Variants in DPYD observed in about 807,000 individuals in gnomAD.
The protein encoded by DPYD is dihydropyrimidine dehydrogenase [NADP(+)].
DPYD carries 109 observed loss-of-function variants against 116.2 expected under a neutral mutation model. That is an observed-to-expected ratio of 0.94 (90% CI 0.80 to 1.10). The LOEUF is 1.10. Among genes scored for constraint, DPYD ranks in the 50% least tolerant of loss-of-function variants. The probability of loss-of-function intolerance (pLI) is 0.00; values close to 1 mark genes in which losing one functional copy is unlikely to be tolerated. For missense variants in DPYD, 1,302 were observed against 1,254.5 expected (o/e 1.04, Z -0.57); for synonymous variants, 440 against 432.0 (o/e 1.02, Z -0.23).
At chr1:97,732,137 C>A (rs918359598) in intron 4 of DPYD, among the ~76,000 whole-genome samples, 1 of 152,056 alleles carries the variant, frequency 6.6e-6, no homozygotes, top group African/African-American at 2.4e-5. Context: ...TGAACTTCCT[C>A]TATTAAAGCA....
At chr1:97,411,796 A>G (rs373405172) in intron 14 of DPYD, among the ~76,000 whole-genome samples, 2 of 152,296 alleles carry the variant, frequency 1.3e-5, no homozygotes, top group African/African-American at 4.8e-5. Context: ...ACCTTTTTCA[A>G]AGTGATTGGA....
intron 18 of DPYD, among the ~76,000 whole-genome samples, chr1:97,264,136 A>C (rs997213395): frequency 7.0e-6 from 1 of 142,528 alleles, no homozygotes; most frequent in Non-Finnish European, 1.5e-5. Context: ...ATGACTGCCA[A>C]TTCTGAATCT....
chr1:97,498,961 C>T (rs1679425376), intron 13 of DPYD, among the ~76,000 whole-genome samples: 1 of 151,466 alleles, frequency 6.6e-6, no homozygotes, highest in African/African-American at 2.4e-5. Context: ...TTCTCTAAGA[C>T]CTTAATTTCA....
chr1:97,279,753 G>A (rs1399243560), intron 18 of DPYD, among the ~76,000 whole-genome samples: 1 of 152,020 alleles, frequency 6.6e-6, no homozygotes, highest in Non-Finnish European at 1.5e-5. Flanking sequence ...TAGGTGATCC[G>A]CCCACCTCAG....
Position 97,789,066 on chromosome 1 carries a change from C to A in DPYD, c.233+39048G>T, listed in dbSNP as rs181767292. On this transcript the variant is annotated intron_variant, in intron 3 of 22. Coordinates refer to ENST00000370192, the MANE Select transcript of DPYD (RefSeq NM_000110.4). ...CGATCTACCGCCCACCTAGGCTTCC[C>A]AAAGTGCTGGGAACAAGCTGTTTAA... Among the ~76,000 whole-genome samples, 700 of 152,242 alleles carry A rather than the reference C, an allele frequency of 4.6e-3. 7 individuals carry two copies. Among genetic ancestry groups the A allele is most frequent in the African/African-American group, 0.015 (617 of 41,550 alleles).
chr1:97,451,703 T>C (rs1676423058), intron 13 of DPYD, among the ~76,000 whole-genome samples: 1 of 152,152 alleles, frequency 6.6e-6, no homozygotes, highest in South Asian at 2.1e-4. Context: ...ATGTTCTACG[T>C]CCCTACAGGT....
intron 20 of DPYD, among the ~76,000 whole-genome samples, chr1:97,119,460 T>G (rs1413956571): frequency 2.0e-5 from 3 of 151,990 alleles, no homozygotes; most frequent in Non-Finnish European, 4.4e-5. Flanking sequence ...GCAGTTAGGA[T>G]TGTGTGTCAT....
At chr1:97,542,019 T>A (rs2811170) in intron 12 of DPYD, among the ~76,000 whole-genome samples, 16,608 of 152,116 alleles carry the variant, frequency 0.11, 997 homozygotes, top group Non-Finnish European at 0.13. Flanking sequence ...AAGAAGGGAA[T>A]TTCTGACAAA....
chr1:97,498,244 G>A (rs934911402), intron 13 of DPYD, among the ~76,000 whole-genome samples: 2 of 151,668 alleles, frequency 1.3e-5, no homozygotes, highest in Admixed American at 6.6e-5. Context: ...AGATAGTGAT[G>A]ATGGATACAC....
chr1:97,671,300 C>T (rs1659846823), intron 8 of DPYD, among the ~76,000 whole-genome samples: 2 of 152,002 alleles, frequency 1.3e-5, no homozygotes, highest in Admixed American at 1.3e-4. Flanking sequence ...TTCCTTATAT[C>T]ATCATCTTCA....
intron 10 of DPYD, chr1:97,586,420 C>A (rs1654101184): frequency 7.4e-6 from 1 of 135,434 alleles, no homozygotes; most frequent in South Asian, 2.3e-4. Flanking sequence ...AAAAAACGTT[C>A]ACTTTTAATG....
At chr1:97,904,935 TA>T (rs1450373589) in intron 1 of DPYD, among the ~76,000 whole-genome samples, 2 of 152,036 alleles carry the variant, frequency 1.3e-5, no homozygotes, top group East Asian at 3.9e-4. Context: ...TGATCTTGAG[TA>T]ATAGCAAGGG....
intron 12 of DPYD, among the ~76,000 whole-genome samples, chr1:97,547,730 G>C (rs1049284109): frequency 2.0e-5 from 3 of 152,010 alleles, no homozygotes; most frequent in Non-Finnish European, 4.4e-5. Context: ...ACCCAGGCTA[G>C]AGTGCAGTGG....
At chr1:97,391,434 T>G (rs12040059) in intron 14 of DPYD, among the ~76,000 whole-genome samples, 29,074 of 151,896 alleles carry the variant, frequency 0.19, 2,927 homozygotes, top group South Asian at 0.36. Context: ...ATCCAGTGAT[T>G]AACCAAGTAC....
chr1:97,157,836 G>T (rs1027811489), intron 20 of DPYD, among the ~76,000 whole-genome samples: 1 of 151,986 alleles, frequency 6.6e-6, no homozygotes, highest in African/African-American at 2.4e-5. Flanking sequence ...ACCCTTAATG[G>T]TACATGGAGC....
intron 19 of DPYD, among the ~76,000 whole-genome samples, chr1:97,222,817 CTT>C (rs1660865053): frequency 6.6e-6 from 1 of 152,002 alleles, no homozygotes; most frequent in Non-Finnish European, 1.5e-5. Context: ...AAATATTTCT[CTT>C]TTAACCAGTT....
intron 20 of DPYD, among the ~76,000 whole-genome samples, chr1:97,176,953 ATTGT>A (rs1194092552): frequency 2.0e-5 from 3 of 151,442 alleles, no homozygotes; most frequent in East Asian, 1.9e-4. Flanking sequence ...ACACAGAAAT[ATTGT>A]TTATCTCCAG....
chr1:97,783,511 C>T (rs993455285), intron 3 of DPYD, among the ~76,000 whole-genome samples: 3 of 151,902 alleles, frequency 2.0e-5, no homozygotes, highest in Non-Finnish European at 4.4e-5. Flanking sequence ...TCTCTCACCT[C>T]AGCCTTCTGA....
intron 19 of DPYD, 116 bp from the exon 20 acceptor site, chr1:97,193,364 A>C: frequency 9.3e-7 from 1 of 1,073,820 alleles, no homozygotes; most frequent in South Asian, 1.4e-5. Flanking sequence ...TGTTTGAGGC[A>C]TGATGGATCA....
Sources: allele counts gnomAD v4.1 joint callset (sites outside exome capture counted in the v4.1 genomes callset), GRCh38; gene constraint gnomAD v4.1.1; transcripts MANE v1.5; gene names NCBI Gene and HGNC (gene_info 2026-07-23, HGNC 2026-07-21).